NDRG2: variants seen among roughly 807,000 people sequenced by gnomAD.
The protein encoded by NDRG2 is NDRG family member 2.
A neutral mutation model predicts 58.2 loss-of-function variants in NDRG2; 34 were observed. The ratio of observed to expected loss-of-function variants is 0.58; its 90% CI spans 0.44 to 0.78. The LOEUF is 0.78. NDRG2 is among the 30% of genes least tolerant of loss of function. The pLI, the probability that NDRG2 is intolerant of heterozygous loss-of-function variation, is 0.00. For missense variants in NDRG2, 434 were observed against 471.2 expected, an observed-to-expected ratio of 0.92 and a Z score of 0.73; for synonymous variants, 187 against 175.9, an observed-to-expected ratio of 1.06 and a Z score of -0.50.
At chr14:21,055,802 A>G (rs1249856016) in intron 1 of NDRG2, among the ~76,000 whole-genome samples, 2 of 152,058 alleles carry the variant, frequency 1.3e-5, no homozygotes, top group African/African-American at 2.4e-5. Context: ...TTCCATCCCA[A>G]TGGGAGAGGC....
intron 1 of NDRG2, chr14:21,032,101 T>C: frequency 6.2e-7 from 1 of 1,606,834 alleles, no homozygotes; most frequent in Non-Finnish European, 8.5e-7. Context: ...CTCAGCCTGC[T>C]AGCCCCCTGA....
chr14:21,066,753 G>C (rs1215278763), intron 1 of NDRG2, among the ~76,000 whole-genome samples: 1 of 152,188 alleles, frequency 6.6e-6, no homozygotes, highest in Admixed American at 6.5e-5. Flanking sequence ...GCAAGATGCT[G>C]GTGGTATGGA....
intron 1 of NDRG2, among the ~76,000 whole-genome samples, chr14:21,061,614 T>C (rs192144371): frequency 6.6e-6 from 1 of 152,318 alleles, no homozygotes; most frequent in East Asian, 1.9e-4. Flanking sequence ...AAAAATCACT[T>C]GAGAAGGGGC....
intron 1 of NDRG2, among the ~76,000 whole-genome samples, chr14:21,057,047 T>C (rs1885704211): frequency 1.3e-5 from 2 of 152,216 alleles, no homozygotes; most frequent in African/African-American, 2.4e-5. Flanking sequence ...AGGAATGCAT[T>C]TGACTCCACG....
chr14:21,036,377 G>A (rs943219693), intron 1 of NDRG2: 2 of 408,238 alleles, frequency 4.9e-6, no homozygotes, highest in African/African-American at 4.2e-5. Context: ...CACATTGGAA[G>A]AAGAATTGTC....
intron 1 of NDRG2, among the ~76,000 whole-genome samples, chr14:21,061,304 G>GAGT (rs1394823850): frequency 6.6e-6 from 1 of 152,232 alleles, no homozygotes; most frequent in Non-Finnish European, 1.5e-5. Flanking sequence ...AAGCTGGGAA[G>GAGT]AGTGTGAAAA....
At chr14:21,037,439 G>C (rs1884696683) in intron 1 of NDRG2, among the ~76,000 whole-genome samples, 1 of 152,242 alleles carries the variant, frequency 6.6e-6, no homozygotes, top group South Asian at 2.1e-4. Flanking sequence ...AGTGACAGTG[G>C]CTTGCTCAAG....
At chr14:21,025,324 G>A (rs986495258), upstream of NDRG2, 1 of 973,760 alleles carries the variant, frequency 1.0e-6, no homozygotes, top group Non-Finnish European at 1.2e-6. The surrounding 1 kb of genome is among the most constrained non-coding windows in gnomAD (Gnocchi z 5.1). Flanking sequence ...GGGGCGGTGT[G>A]GGGAGTGCGG....
At chr14:21,064,752 TCAA>T (rs543151506) in intron 1 of NDRG2, among the ~76,000 whole-genome samples, 106 of 152,324 alleles carry the variant, frequency 7.0e-4, no homozygotes, top group Non-Finnish European at 1.2e-3. Context: ...GGTTTGTACA[TCAA>T]CAAAGTCCAT....
In NDRG2 at chr14:21,024,767, C is replaced by T. The variant is rs1388262083; in HGVS notation, c.-744G>A. The T allele has an allele frequency of 3.0e-6, 3 of 985,444 alleles. No individual in the cohort carries two copies. Among genetic ancestry groups the T allele is most frequent in the Non-Finnish European group, 3.6e-6 (3 of 830,054 alleles). The allele number at this position is 985,444 out of a possible 1,614,324, so 61.0% of individuals were successfully genotyped here. ...CGGAACCCGTCCCTACGAGTCCCTA[C>T]GCAGCCCGTCCGCGTGGAGACTGAC... On this transcript the variant is annotated 5_prime_UTR_variant, in exon 1 of 16. Transcript: ENST00000556147.
intron 6 of NDRG2, chr14:21,021,259 G>C: frequency 1.6e-5 from 6 of 373,872 alleles, no homozygotes; most frequent in South Asian, 1.2e-4. Flanking sequence ...CAATTTTAGT[G>C]AACAATGGAG....
intron 1 of NDRG2, among the ~76,000 whole-genome samples, chr14:21,038,246 C>G (rs1257487692): frequency 1.3e-5 from 2 of 152,190 alleles, no homozygotes; most frequent in Non-Finnish European, 2.9e-5. Flanking sequence ...AGACGGAATG[C>G]CTTCTAAAAG....
At chr14:21,023,422 G>A in intron 1 of NDRG2, 101 bp from the exon 2 acceptor site, 1 of 1,085,894 alleles carries the variant, frequency 9.2e-7, no homozygotes, top group Non-Finnish European at 1.4e-6. Context: ...GCAGGGAACA[G>A]AGGGACCCAG....
At chr14:21,021,526 C>T in intron 6 of NDRG2, 1 of 431,140 alleles carries the variant, frequency 2.3e-6, no homozygotes, top group South Asian at 2.7e-5. Flanking sequence ...ATGTCACCCC[C>T]TTTCATTCCT....
At chr14:21,049,294 T>C (rs1304081059) in intron 1 of NDRG2, among the ~76,000 whole-genome samples, 2 of 152,212 alleles carry the variant, frequency 1.3e-5, no homozygotes, top group African/African-American at 4.8e-5. Context: ...TCAGCTCCAT[T>C]TTCTGGTTCA....
In NDRG2 at chr14:21,070,324, G is replaced by C; in HGVS notation, c.24+504C>G. 1 of 1,388,330 alleles carries C rather than the reference G, an allele frequency of 7.2e-7. No homozygotes were observed. Among genetic ancestry groups the C allele is most frequent in the Non-Finnish European group, 9.3e-7 (1 of 1,074,090 alleles). The allele number at this position is 1,388,330 out of a possible 1,614,324, so 86.0% of individuals were successfully genotyped here. On this transcript the variant is annotated intron_variant, in intron 1 of 14. Coordinates refer to the NDRG2 transcript ENST00000403829. The surrounding 1 kb of genome is among the most constrained non-coding windows in gnomAD (Gnocchi z 4.7). ...TAGCCAGACCCGGCGAGACACGAGC[G>C]GCGGGAGGGAGGCGGTGGCGCGCCC...
At chr14:21,036,125 T>C in intron 1 of NDRG2, 1 of 451,700 alleles carries the variant, frequency 2.2e-6, no homozygotes, top group Non-Finnish European at 4.5e-6. Context: ...AGTCCATCAG[T>C]CACACAGCCC....
At chr14:21,067,238 A>G (rs1178421006) in intron 1 of NDRG2, among the ~76,000 whole-genome samples, 1 of 151,962 alleles carries the variant, frequency 6.6e-6, no homozygotes, top group Non-Finnish European at 1.5e-5. Flanking sequence ...ATGTCTTCGG[A>G]ATTATTTTAA....
intron 1 of NDRG2, among the ~76,000 whole-genome samples, chr14:21,067,745 C>A (rs1294891838): frequency 7.7e-6 from 1 of 129,762 alleles, no homozygotes; most frequent in Non-Finnish European, 1.6e-5. Flanking sequence ...AACACATACT[C>A]TGTTGTGTAC....
Sources: allele counts gnomAD v4.1 joint callset (sites outside exome capture counted in the v4.1 genomes callset), GRCh38; gene constraint gnomAD v4.1.1; non-coding constraint Gnocchi (gnomAD v3.1); transcripts MANE v1.5; gene names NCBI Gene and HGNC (gene_info 2026-07-23, HGNC 2026-07-21).